Variants in PTPRJ observed in about 807,000 individuals in gnomAD.
PTPRJ encodes the protein receptor-type tyrosine-protein phosphatase eta.
Under a neutral mutation model 141.3 loss-of-function variants are expected in PTPRJ, and 129 were observed. The observed-to-expected ratio is 0.91, with a 90% CI of 0.79 to 1.06. The LOEUF (loss-of-function observed/expected upper bound fraction) is 1.06. Ranked by LOEUF, PTPRJ falls within the 50% of genes least tolerant of loss-of-function variation. The pLI is 0.00. For missense variants in PTPRJ, 1,601 were observed against 1,679.7 expected, an observed-to-expected ratio of 0.95 and a Z score of 0.82; for synonymous variants, 610 against 640.5, an observed-to-expected ratio of 0.95 and a Z score of 0.72.
chr11:47,991,429 G>T (rs1269413081), intron 1 of PTPRJ, among the ~76,000 whole-genome samples: 1 of 152,190 alleles, frequency 6.6e-6, no homozygotes, highest in Non-Finnish European at 1.5e-5. Context: ...AGCCACCAAT[G>T]GGAAAGTTTA....
Position 48,010,897 on chromosome 11 carries a change from C to T in PTPRJ, c.96+29889C>T, listed in dbSNP as rs567827957. Among the ~76,000 whole-genome samples, 3 of 152,080 alleles carry T rather than the reference C, an allele frequency of 2.0e-5. No homozygotes were observed. In the East Asian group the frequency reaches 5.8e-4, roughly 29 times the overall value. ...GTTTTTCTGTGTGGCTCAGGCTGGA[C>T]TTGAATTCCTGAGCCCAAGTCATCC... is the stretch of plus-strand genomic sequence containing the variant. On this transcript the variant is annotated intron_variant, in intron 1 of 24. Coordinates refer to ENST00000418331, the MANE Select transcript of PTPRJ (RefSeq NM_002843.4).
At chr11:48,161,500 A>G (rs1413526744) in intron 22 of PTPRJ, among the ~76,000 whole-genome samples, 7 of 152,174 alleles carry the variant, frequency 4.6e-5, no homozygotes, top group Non-Finnish European at 8.8e-5. Context: ...TGGCCTCAAT[A>G]TTTCAGTTCC....
intron 3 of PTPRJ, among the ~76,000 whole-genome samples, chr11:48,118,023 A>C (rs751974878): frequency 6.6e-6 from 1 of 152,212 alleles, no homozygotes; most frequent in African/African-American, 2.4e-5. Context: ...AGAAAATCTG[A>C]ATAATCCAAT....
intron 3 of PTPRJ, among the ~76,000 whole-genome samples, chr11:48,117,926 A>G (rs540726064): frequency 4.1e-4 from 63 of 152,352 alleles, no homozygotes; most frequent in Non-Finnish European, 6.9e-4. Flanking sequence ...ATTATGAACA[A>G]TTATATGCCA....
chr11:48,077,738 G>A (rs1418141316), intron 1 of PTPRJ, among the ~76,000 whole-genome samples: 1 of 152,198 alleles, frequency 6.6e-6, no homozygotes, highest in African/African-American at 2.4e-5. Flanking sequence ...AATGGCTCAT[G>A]AATCCCTATT....
At chr11:48,138,046 G>A (rs763522750) in intron 10 of PTPRJ, among the ~76,000 whole-genome samples, 140 of 152,260 alleles carry the variant, frequency 9.2e-4, no homozygotes, top group Non-Finnish European at 1.7e-3. Flanking sequence ...CTCAGCACCC[G>A]TGCACTACTC....
chr11:48,164,491 T>C lies in PTPRJ; in HGVS notation c.3831T>C (p.His1277=). The part of the protein sequence containing the change: ...VYGIVYDLRM[H]RPLMVQTEDQ... ...GGATTGTGTATGACCTTCGAATGCA[T>C]AGGCCTTTAATGGTGCAGACAGAGG... Residue 1277 remains histidine (H), a synonymous_variant, in exon 24 of 25, where the codon CAT becomes CAC. Coordinates refer to ENST00000418331, the MANE Select transcript of PTPRJ (RefSeq NM_002843.4). 1 of 1,612,720 alleles carries C rather than the reference T, an allele frequency of 6.2e-7. No individual in the cohort carries two copies. Among genetic ancestry groups the C allele is most frequent in the Admixed American group, 1.7e-5 (1 of 59,900 alleles).
rs1019223467 is a variant in PTPRJ, at chr11:48,089,400, C to T, written c.97-20658C>T. ...GCATAATGGTGCAGGCCTGTGATTCCAGCTACTCAGGAGGCTGAGGCAGGA... is the reference window on the plus strand; with the variant it reads ...GCATAATGGTGCAGGCCTGTGATTCTAGCTACTCAGGAGGCTGAGGCAGGA... On this transcript the variant is annotated intron_variant, in intron 1 of 24. Coordinates refer to ENST00000418331, the MANE Select transcript of PTPRJ (RefSeq NM_002843.4). Among the ~76,000 whole-genome samples the T allele has an allele frequency of 5.3e-5, 8 of 151,794 alleles. No individual in the cohort carries two copies. In the South Asian group the frequency reaches 1.5e-3, roughly 28 times the overall value.
chr11:48,110,796 A>G (rs977215526), intron 2 of PTPRJ, among the ~76,000 whole-genome samples: 7 of 152,210 alleles, frequency 4.6e-5, no homozygotes, highest in African/African-American at 1.4e-4. Flanking sequence ...GGACTCCCGC[A>G]TGTTTTGCTT....
intron 1 of PTPRJ, among the ~76,000 whole-genome samples, chr11:47,984,948 G>A (rs1362618087): frequency 6.6e-6 from 1 of 151,236 alleles, no homozygotes; most frequent in Non-Finnish European, 1.5e-5. Flanking sequence ...CGCCTCCTGG[G>A]TTCCAGGGAT....
chr11:48,139,469 C>G lies in PTPRJ; in HGVS notation c.2153-17C>G, dbSNP rs368633740. The stretch of plus-strand genomic sequence containing the variant: ...AAAAGTCCCGGAATCTCATGCTGTG[C>G]TGTACTTGCTTTGCAGATCCTGCGT... On this transcript the variant is annotated splice_polypyrimidine_tract_variant and intron_variant, in intron 10 of 24. Transcript: ENST00000418331. 5 of 1,611,588 alleles carry G rather than the reference C, an allele frequency of 3.1e-6. No homozygotes were observed. Among genetic ancestry groups the G allele is most frequent in the Non-Finnish European group, 4.2e-6 (5 of 1,177,900 alleles).
At chr11:48,149,630 T>C in intron 16 of PTPRJ, 142 bp downstream of exon 16, 1 of 598,416 alleles carries the variant, frequency 1.7e-6, no homozygotes, top group African/African-American at 1.9e-5. Flanking sequence ...TTTTGCTAGC[T>C]CTGTTTTCTG....
chr11:48,089,244 C>T lies in PTPRJ; in HGVS notation c.97-20814C>T, dbSNP rs186096126. On this transcript the variant is annotated intron_variant, in intron 1 of 24. Coordinates refer to ENST00000418331, the MANE Select transcript of PTPRJ (RefSeq NM_002843.4). ...ATGTTACAAAAACATTAACCAGGAG[C>T]GGTGGCTCACGCCTATAATCCCAGA... Among the ~76,000 whole-genome samples the T allele has an allele frequency of 5.1e-4, 77 of 152,274 alleles. 1 individual carries two copies. The highest frequency in any genetic ancestry group is 1.6e-3 in the African/African-American group (67 of 41,560).
chr11:48,004,403 T>G (rs1429867438), intron 1 of PTPRJ, among the ~76,000 whole-genome samples: 1 of 152,308 alleles, frequency 6.6e-6, no homozygotes, highest in East Asian at 1.9e-4. Context: ...TGTCAAGGAT[T>G]TTGCATACAG....
At chr11:48,165,080 T>A (rs1424341552) in intron 24 of PTPRJ, among the ~76,000 whole-genome samples, 2 of 152,220 alleles carry the variant, frequency 1.3e-5, no homozygotes, top group Non-Finnish European at 2.9e-5. Flanking sequence ...ATTCTTTACC[T>A]TGCTGCCTCT....
chr11:48,159,838 C>A, intron 21 of PTPRJ, 92 bp from the exon 22 acceptor site: 1 of 1,500,626 alleles, frequency 6.7e-7, no homozygotes, highest in Non-Finnish European at 9.1e-7. Context: ...ATCTCTGATG[C>A]CAGTTTTCAA....
chr11:48,107,754 G>T (rs1856331256), intron 1 of PTPRJ, among the ~76,000 whole-genome samples: 1 of 152,188 alleles, frequency 6.6e-6, no homozygotes, highest in African/African-American at 2.4e-5. Context: ...GGGCCTCCGT[G>T]CCCTCTGCAA....
intron 8 of PTPRJ, chr11:48,131,847 A>G (rs1409126091): frequency 3.6e-6 from 1 of 280,958 alleles, no homozygotes; most frequent in East Asian, 6.0e-5. Flanking sequence ...CCAAGGTAGT[A>G]TTATCATAAC....
chr11:48,126,538 C>T (rs898434415), intron 6 of PTPRJ, among the ~76,000 whole-genome samples: 6 of 151,910 alleles, frequency 3.9e-5, no homozygotes, highest in African/African-American at 7.3e-5. Context: ...GCCTGGGCTC[C>T]GGGTGAAACA....
Sources: gnomAD v4.1 joint callset for allele counts (sites outside exome capture counted in the v4.1 genomes callset) on GRCh38, gnomAD v4.1.1 for gene constraint, MANE v1.5 for transcripts, NCBI Gene and HGNC (gene_info 2026-07-23, HGNC 2026-07-21) for gene names.